NCALD: variants seen among roughly 807,000 people sequenced by gnomAD.
NCALD encodes the protein neurocalcin delta.
Under a neutral mutation model 18.6 loss-of-function variants are expected in NCALD, and 10 were observed. The observed-to-expected ratio is 0.54, with a 90% confidence interval of 0.33 to 0.91. The LOEUF is 0.91. Among genes scored for constraint, NCALD ranks in the 40% least tolerant of loss-of-function variants. NCALD has a pLI of 0.03. For missense variants in NCALD, 184 were observed against 247.6 expected (o/e 0.74, Z 1.72); for synonymous variants, 88 against 87.4 (o/e 1.01, Z -0.04).
intron 1 of NCALD, among the ~76,000 whole-genome samples, chr8:102,079,326 A>T (rs1824449972): frequency 6.6e-6 from 1 of 152,196 alleles, no homozygotes; most frequent in Non-Finnish European, 1.5e-5. Context: ...CATCCTGGCT[A>T]TGTGAGCTGG....
At chr8:101,754,631 G>T (rs929919121) in intron 1 of NCALD, among the ~76,000 whole-genome samples, 2 of 152,078 alleles carry the variant, frequency 1.3e-5, no homozygotes, top group African/African-American at 4.8e-5. Context: ...TCACCTTAGG[G>T]GTTAGGATTT....
chr8:101,874,350 T>C (rs929454485), intron 4 of NCALD, among the ~76,000 whole-genome samples: 1 of 152,108 alleles, frequency 6.6e-6, no homozygotes, highest in African/African-American at 2.4e-5. Context: ...GAATCTGAAA[T>C]TGCAAATCAC....
chr8:102,015,707 C>T (rs1222043719), intron 2 of NCALD, among the ~76,000 whole-genome samples: 1 of 152,152 alleles, frequency 6.6e-6, no homozygotes, highest in Non-Finnish European at 1.5e-5. Flanking sequence ...CCAAGAGTGG[C>T]ATGCCCTTCC....
intron 2 of NCALD, among the ~76,000 whole-genome samples, chr8:101,990,508 C>T (rs181595670): frequency 4.6e-5 from 7 of 152,192 alleles, no homozygotes; most frequent in Admixed American, 4.6e-4. Context: ...GTCGGGGGGA[C>T]CCGGTAGGAG....
chr8:101,732,529 G>C (rs1330594019), intron 1 of NCALD, among the ~76,000 whole-genome samples: 1 of 150,614 alleles, frequency 6.6e-6, no homozygotes, highest in Non-Finnish European at 1.5e-5. Flanking sequence ...TCCTACATAG[G>C]ACAGGGAAAT....
At chr8:102,107,036 C>A (rs1301947842) in intron 1 of NCALD, among the ~76,000 whole-genome samples, 1 of 151,674 alleles carries the variant, frequency 6.6e-6, no homozygotes, top group African/African-American at 2.4e-5. Context: ...CAGACTTTGT[C>A]CCTTTCCAAG....
intron 2 of NCALD, among the ~76,000 whole-genome samples, chr8:101,928,664 G>GT (rs954213961): frequency 6.0e-5 from 9 of 151,186 alleles, no homozygotes; most frequent in African/African-American, 2.2e-4. Context: ...ACTTTCAGGA[G>GT]TTTTTTCCTT....
At chr8:102,098,942 T>A (rs1342889133) in intron 1 of NCALD, among the ~76,000 whole-genome samples, 3 of 152,184 alleles carry the variant, frequency 2.0e-5, no homozygotes, top group Non-Finnish European at 4.4e-5. Context: ...ATAGAAGTTT[T>A]TTTCCTTTTT....
chr8:101,803,895 T>C lies in NCALD; in HGVS notation c.-20+83246A>G, dbSNP rs185384276. ...GGTTTGAGAGGATTGATTCCAATTTTCTACTATGGGTAAATGCCATCAAAC... is the reference window on the plus strand; with the variant it reads ...GGTTTGAGAGGATTGATTCCAATTTCCTACTATGGGTAAATGCCATCAAAC... On this transcript the variant is annotated intron_variant, in intron 4 of 6. Coordinates refer to the NCALD transcript ENST00000311028. Among the ~76,000 whole-genome samples, 12 of 152,336 alleles carry C rather than the reference T, an allele frequency of 7.9e-5. No individual in the cohort carries two copies. In the East Asian group the frequency reaches 2.1e-3, roughly 27 times the overall value.
At chr8:102,008,578 C>G (rs1746097244) in intron 2 of NCALD, among the ~76,000 whole-genome samples, 1 of 151,534 alleles carries the variant, frequency 6.6e-6, no homozygotes, top group South Asian at 2.1e-4. Context: ...CTCCTTATAC[C>G]AGAAGGAAAG....
intron 2 of NCALD, among the ~76,000 whole-genome samples, chr8:102,000,872 C>T (rs1821429969): frequency 6.6e-6 from 1 of 152,224 alleles, no homozygotes; most frequent in Non-Finnish European, 1.5e-5. Context: ...AAAACCCCAT[C>T]TGTACGTCAC....
intron 3 of NCALD, chr8:101,691,084 T>C (rs1301265024): frequency 2.0e-6 from 2 of 985,296 alleles, no homozygotes; most frequent in South Asian, 4.7e-5. Context: ...TAGGAGACTC[T>C]AGGTGAGGAC....
chr8:101,879,940 CG>C (rs1816410946), intron 4 of NCALD, among the ~76,000 whole-genome samples: 1 of 152,184 alleles, frequency 6.6e-6, no homozygotes, highest in Non-Finnish European at 1.5e-5. Flanking sequence ...CTGCTAGGGC[CG>C]CAGGGCAGAG....
chr8:101,770,343 CT>C (rs1171210848), intron 1 of NCALD, among the ~76,000 whole-genome samples: 1 of 152,162 alleles, frequency 6.6e-6, no homozygotes, highest in East Asian at 1.9e-4. Context: ...AGACTAACCC[CT>C]TAAAGAAATG....
At chr8:102,000,926 A>T (rs1821432507) in intron 2 of NCALD, among the ~76,000 whole-genome samples, 2 of 152,236 alleles carry the variant, frequency 1.3e-5, no homozygotes, top group Admixed American at 6.5e-5. Flanking sequence ...AAGATGGGGA[A>T]GAAACAGAGC....
chr8:101,859,230 T>C (rs1185181010), intron 4 of NCALD, among the ~76,000 whole-genome samples: 2 of 152,172 alleles, frequency 1.3e-5, no homozygotes, highest in African/African-American at 4.8e-5. Flanking sequence ...AGACTTCAAG[T>C]TGTTCAGCTT....
chr8:101,834,547 C>T (rs1814331284), intron 4 of NCALD, among the ~76,000 whole-genome samples: 1 of 152,244 alleles, frequency 6.6e-6, no homozygotes, highest in Non-Finnish European at 1.5e-5. Context: ...GGGGACTGAG[C>T]TGCTCGGGAC....
intron 3 of NCALD, among the ~76,000 whole-genome samples, chr8:101,892,754 A>T (rs1802286472): frequency 6.6e-6 from 1 of 150,504 alleles, no homozygotes; most frequent in South Asian, 2.1e-4. Context: ...ACTGGAAGAA[A>T]GGGTATCAGC....
intron 2 of NCALD, among the ~76,000 whole-genome samples, chr8:101,948,356 TAC>T (rs1819260058): frequency 6.6e-6 from 1 of 152,322 alleles, no homozygotes; most frequent in Admixed American, 6.5e-5. Context: ...GGACTCTTCC[TAC>T]CTACCTCGGT....
Sources: gnomAD v4.1 joint callset for allele counts (sites outside exome capture counted in the v4.1 genomes callset) on GRCh38, gnomAD v4.1.1 for gene constraint, MANE v1.5 for transcripts, NCBI Gene and HGNC (gene_info 2026-07-23, HGNC 2026-07-21) for gene names.